The following ZNF804A variants were observed in gnomAD, a reference collection of about 807,000 sequenced individuals.
ZNF804A encodes zinc finger protein 804A.
ZNF804A carries 2 observed loss-of-function variants against 16.5 expected under a neutral mutation model. That is an observed-to-expected ratio of 0.12 (90% confidence interval 0.05 to 0.38). ZNF804A has a LOEUF of 0.38. ZNF804A is among the 10% of genes least tolerant of loss of function. ZNF804A has a pLI of 0.99. For missense variants in ZNF804A, 1,473 were observed against 1,390.7 expected (o/e 1.06, Z -0.94); for synonymous variants, 534 against 489.6 (o/e 1.09, Z -1.20).
At chr2:184,783,994 G>A (rs572102418) in intron 1 of ZNF804A, among the ~76,000 whole-genome samples, 1 of 152,022 alleles carries the variant, frequency 6.6e-6, no homozygotes, top group South Asian at 2.1e-4. Context: ...CCAGAATAAT[G>A]CCATTATGTT....
At chr2:184,911,951 G>C (rs1231673296) in intron 2 of ZNF804A, among the ~76,000 whole-genome samples, 2 of 151,370 alleles carry the variant, frequency 1.3e-5, no homozygotes, top group African/African-American at 4.9e-5. Context: ...AAAATACTTG[G>C]ATAAAATTGA....
At chr2:184,820,756 A>G (rs1427831373) in intron 1 of ZNF804A, among the ~76,000 whole-genome samples, 1 of 152,084 alleles carries the variant, frequency 6.6e-6, no homozygotes, top group Non-Finnish European at 1.5e-5. Context: ...AATCTCTGGC[A>G]TTCTTATACA....
intron 1 of ZNF804A, among the ~76,000 whole-genome samples, chr2:184,829,741 A>C (rs1176613275): frequency 2.0e-5 from 3 of 151,290 alleles, no homozygotes; most frequent in African/African-American, 7.3e-5. Flanking sequence ...CACTGATTAC[A>C]TTTTTTTCCT....
intron 1 of ZNF804A, among the ~76,000 whole-genome samples, chr2:184,710,799 A>G (rs1693113686): frequency 6.6e-6 from 1 of 151,800 alleles, no homozygotes; most frequent in African/African-American, 2.4e-5. Flanking sequence ...CACTTAACAT[A>G]GTCCCTCCAA....
intron 1 of ZNF804A, among the ~76,000 whole-genome samples, chr2:184,628,327 A>AG: frequency 6.6e-6 from 1 of 152,254 alleles, no homozygotes; most frequent in South Asian, 2.1e-4. Flanking sequence ...AAGAAAAGAA[A>AG]GAAAAAAAAG....
At chr2:184,660,910 A>G (rs993645274) in intron 1 of ZNF804A, among the ~76,000 whole-genome samples, 41 of 152,256 alleles carry the variant, frequency 2.7e-4, no homozygotes, top group African/African-American at 9.6e-4. Flanking sequence ...TTGCTTTGGT[A>G]ACTCTATTCT....
At chr2:184,777,288 T>G (rs1694303699) in intron 1 of ZNF804A, among the ~76,000 whole-genome samples, 1 of 151,850 alleles carries the variant, frequency 6.6e-6, no homozygotes, top group Admixed American at 6.6e-5. Flanking sequence ...CCTTTTATCC[T>G]AATTTCTGAT....
At chr2:184,753,340 C>A (rs1351522825) in intron 1 of ZNF804A, among the ~76,000 whole-genome samples, 2 of 151,686 alleles carry the variant, frequency 1.3e-5, no homozygotes, top group Non-Finnish European at 2.9e-5. Context: ...GACAAAGGAA[C>A]TTCAAGATAG....
In ZNF804A at chr2:184,705,006, G is replaced by A. The variant is rs552016326; in HGVS notation, c.111+105936G>A. Among the ~76,000 whole-genome samples the A allele has an allele frequency of 2.5e-4, 38 of 152,284 alleles. 1 individual carries two copies. Among genetic ancestry groups the A allele is most frequent in the African/African-American group, 8.9e-4 (37 of 41,562 alleles). Reference sequence around the variant, plus strand: ...CATTGGTTAAACATTCACACCATAAGTTGTTAATACTCCTGCTCTTTCAGA... The same window carrying A: ...CATTGGTTAAACATTCACACCATAAATTGTTAATACTCCTGCTCTTTCAGA... On this transcript the variant is annotated intron_variant, in intron 1 of 3. Coordinates refer to ENST00000302277, the MANE Select transcript of ZNF804A (RefSeq NM_194250.2).
chr2:184,676,561 G>A (rs534131048), intron 1 of ZNF804A, among the ~76,000 whole-genome samples: 1 of 151,718 alleles, frequency 6.6e-6, no homozygotes, highest in East Asian at 1.9e-4. Context: ...TGTATTATAT[G>A]TTAATAATTT....
chr2:184,925,911 CT>C (rs144533726), intron 2 of ZNF804A, among the ~76,000 whole-genome samples: 8,994 of 151,780 alleles, frequency 0.059, 930 homozygotes, highest in African/African-American at 0.2. Context: ...TTATCTATAT[CT>C]TTTTTATTCT....
chr2:184,701,129 G>A (rs949721000), intron 1 of ZNF804A, among the ~76,000 whole-genome samples: 3 of 151,764 alleles, frequency 2.0e-5, no homozygotes, highest in Non-Finnish European at 4.4e-5. Flanking sequence ...CTTAAAAAAA[G>A]AAATGGGCTA....
intron 1 of ZNF804A, among the ~76,000 whole-genome samples, chr2:184,642,711 C>T (rs113771646): frequency 0.015 from 2,295 of 152,190 alleles, 49 homozygotes; most frequent in African/African-American, 0.048. Context: ...CTACTACCCA[C>T]GTTTTATACC....
chr2:184,869,379 A>G (rs1695936099), intron 2 of ZNF804A, among the ~76,000 whole-genome samples: 1 of 152,040 alleles, frequency 6.6e-6, no homozygotes, highest in Non-Finnish European at 1.5e-5. Flanking sequence ...CATTTCCTAC[A>G]GAGATATGAT....
At chr2:184,852,907 G>GGTT (rs1695628159) in intron 1 of ZNF804A, among the ~76,000 whole-genome samples, 1 of 151,574 alleles carries the variant, frequency 6.6e-6, no homozygotes, top group South Asian at 2.1e-4. Context: ...CTCTATTCAA[G>GGTT]GTTGCTTTGA....
chr2:184,769,559 A>C (rs935294165), intron 1 of ZNF804A, among the ~76,000 whole-genome samples: 2 of 152,076 alleles, frequency 1.3e-5, no homozygotes, highest in Admixed American at 1.3e-4. Flanking sequence ...TAGGCGAAGA[A>C]ATGGAAGGTC....
intron 1 of ZNF804A, among the ~76,000 whole-genome samples, chr2:184,759,362 T>A (rs1357573580): frequency 6.6e-6 from 1 of 151,752 alleles, no homozygotes; most frequent in African/African-American, 2.4e-5. Flanking sequence ...CATACTAATA[T>A]TAATTCTATA....
At chr2:184,874,682 G>C (rs1425545315) in intron 2 of ZNF804A, among the ~76,000 whole-genome samples, 13 of 151,988 alleles carry the variant, frequency 8.6e-5, no homozygotes, top group Admixed American at 8.5e-4. Flanking sequence ...AATTTTCTAT[G>C]AAAAATCAAA....
At chr2:184,665,532 A>G (rs969167840) in intron 1 of ZNF804A, among the ~76,000 whole-genome samples, 7 of 152,196 alleles carry the variant, frequency 4.6e-5, no homozygotes, top group Admixed American at 2.0e-4. Flanking sequence ...AAAACACCAT[A>G]CATTTATTAT....
Sources: allele counts gnomAD v4.1 joint callset (sites outside exome capture counted in the v4.1 genomes callset), GRCh38; gene constraint gnomAD v4.1.1; transcripts MANE v1.5; gene names NCBI Gene and HGNC (gene_info 2026-07-23, HGNC 2026-07-21).